Variants in CCDC81 observed in about 807,000 individuals in gnomAD.
CCDC81 encodes the protein coiled-coil domain containing 81.
CCDC81 carries 79 observed loss-of-function variants against 83.7 expected under a neutral mutation model. The observed-to-expected ratio is 0.94, with a 90% confidence interval of 0.79 to 1.14. The LOEUF is 1.14. CCDC81 is among the 50% of genes most tolerant of loss of function. The pLI is 0.00. For missense variants in CCDC81, 791 were observed against 778.1 expected (o/e 1.02, Z -0.20); for synonymous variants, 252 against 278.1 (o/e 0.91, Z 0.93).
chr11:86,412,274 C>A, intron 10 of CCDC81, 113 bp from the exon 11 acceptor site: 1 of 855,606 alleles, frequency 1.2e-6, no homozygotes, highest in Non-Finnish European at 1.8e-6. Context: ...GTGTTGAGGG[C>A]TGGGCAAATA....
At chr11:86,414,631 T>C in intron 11 of CCDC81, 158 bp from the exon 12 acceptor site, 1 of 600,708 alleles carries the variant, frequency 1.7e-6, no homozygotes, top group South Asian at 2.3e-5. Context: ...ATTACTCTTT[T>C]CTTTCTTAAA....
intron 1 of CCDC81, among the ~76,000 whole-genome samples, chr11:86,385,309 C>G (rs902653825): frequency 6.6e-6 from 1 of 151,976 alleles, no homozygotes; most frequent in East Asian, 1.9e-4. Context: ...CGTTTGAACC[C>G]GGGAGGCGGA....
chr11:86,414,385 C>T (rs111253709), intron 11 of CCDC81: 81 of 158,328 alleles, frequency 5.1e-4, no homozygotes, highest in Non-Finnish European at 9.0e-4. Flanking sequence ...TGGCTTACTG[C>T]AACCTCCACC....
intron 13 of CCDC81, 24 bp downstream of exon 13, chr11:86,415,337 C>T (rs929117172): frequency 1.9e-6 from 3 of 1,569,832 alleles, no homozygotes; most frequent in Non-Finnish European, 2.6e-6. Flanking sequence ...TGATCTTTCT[C>T]CCTCCACTTC....
At chr11:86,400,881 T>C in intron 7 of CCDC81, 80 bp downstream of exon 7, 1 of 1,381,660 alleles carries the variant, frequency 7.2e-7, no homozygotes, top group Non-Finnish European at 9.9e-7. Context: ...GGAACTGTAA[T>C]TGTTCATTAA....
chr11:86,379,945 C>T (rs972121100), intron 1 of CCDC81, among the ~76,000 whole-genome samples: 12 of 151,934 alleles, frequency 7.9e-5, no homozygotes, highest in African/African-American at 2.7e-4. Flanking sequence ...AAGACTGCAC[C>T]GTTGCACTCC....
chr11:86,409,357 G>C lies in CCDC81; in HGVS notation c.1210G>C (p.Glu404Gln), dbSNP rs1483170264. The stretch of plus-strand genomic sequence containing the variant: ...AAGAAACCACAAGAATGAGAAACCG[G>C]AATTTTATGTAAGTCTTTTAAAAAT... ...AIRNHKNEKP[E>Q]FYKSFLFDKR... The change falls in exon 10 of 15, where the codon GAA becomes CAA. Residue 404 changes from glutamate (E) to glutamine (Q), a missense_variant. By Grantham distance (29) the Glu-to-Gln change is conservative. Coordinates refer to ENST00000445632, the MANE Select transcript of CCDC81 (RefSeq NM_001156474.2). 6.7e-7 allele frequency: 1 copy of C among 1,502,162 alleles called. No individual in the cohort carries two copies. The allele number at this position is 1,502,162 out of a possible 1,614,324, so 93.1% of individuals were successfully genotyped here.
intron 4 of CCDC81, 68 bp from the exon 5 acceptor site, chr11:86,395,266 C>T: frequency 1.6e-6 from 2 of 1,233,168 alleles, no homozygotes; most frequent in South Asian, 1.3e-5. Flanking sequence ...TATGAGCCTG[C>T]AGTTTTTAAT....
intron 1 of CCDC81, among the ~76,000 whole-genome samples, chr11:86,375,824 TG>T (rs1035475106): frequency 1.4e-4 from 21 of 152,324 alleles, no homozygotes; most frequent in African/African-American, 4.8e-4. Context: ...GGCTGAGATC[TG>T]TCTGCAAACC....
intron 7 of CCDC81, among the ~76,000 whole-genome samples, chr11:86,401,678 T>A (rs567880427): frequency 6.6e-6 from 1 of 152,206 alleles, no homozygotes; most frequent in African/African-American, 2.4e-5. Flanking sequence ...AACCTGCTTT[T>A]ATAAAACTTA....
Position 86,409,372 on chromosome 11 carries a change from CT to C in CCDC81, c.1218+11del. The C allele has an allele frequency of 6.9e-7, 1 of 1,459,348 alleles. No homozygotes were observed. Among genetic ancestry groups the C allele is most frequent in the Non-Finnish European group, 9.3e-7 (1 of 1,080,216 alleles). 90.4% of individuals were successfully genotyped at this position (1,459,348 alleles called of 1,614,324 possible). A position where few individuals can be genotyped will look rare whatever the true frequency, so the allele number is the denominator to read the frequency against. Reference sequence around the variant, plus strand: ...TGAGAAACCGGAATTTTATGTAAGTCTTTTAAAAATTTCTGTTGCTAACACC... The same window carrying C: ...TGAGAAACCGGAATTTTATGTAAGTCTTTAAAAATTTCTGTTGCTAACACC... On this transcript the variant is annotated splice_region_variant and intron_variant, in intron 10 of 14. Coordinates refer to ENST00000445632, the MANE Select transcript of CCDC81 (RefSeq NM_001156474.2).
At chr11:86,413,867 T>C (rs1199175479) in intron 11 of CCDC81, among the ~76,000 whole-genome samples, 1 of 152,170 alleles carries the variant, frequency 6.6e-6, no homozygotes, top group African/African-American at 2.4e-5. Context: ...TCTGCTTACA[T>C]ACATATGCCT....
At chr11:86,399,876 A>G (rs888441349) in intron 6 of CCDC81, among the ~76,000 whole-genome samples, 1 of 151,934 alleles carries the variant, frequency 6.6e-6, no homozygotes, top group African/African-American at 2.4e-5. Context: ...TAATCCCAGC[A>G]CTTTGGGAGG....
chr11:86,402,367 T>A (rs1478828411), intron 7 of CCDC81, among the ~76,000 whole-genome samples: 1 of 152,156 alleles, frequency 6.6e-6, no homozygotes, highest in Non-Finnish European at 1.5e-5. Context: ...ACACAGTTTT[T>A]AAATAAAATT....
chr11:86,398,984 A>G (rs11234632), intron 6 of CCDC81, among the ~76,000 whole-genome samples: 106,587 of 152,106 alleles, frequency 0.7, 37,497 homozygotes, highest in Non-Finnish European at 0.73. Flanking sequence ...GGCCCAAGTG[A>G]TATCAGATCT....
intron 10 of CCDC81, among the ~76,000 whole-genome samples, chr11:86,411,248 T>C (rs983838097): frequency 6.6e-6 from 1 of 152,204 alleles, no homozygotes; most frequent in Non-Finnish European, 1.5e-5. Context: ...TTTCTGCTCA[T>C]TGAACATGCC....
intron 6 of CCDC81, among the ~76,000 whole-genome samples, chr11:86,398,699 A>G (rs1198568379): frequency 6.6e-6 from 1 of 152,062 alleles, no homozygotes; most frequent in Non-Finnish European, 1.5e-5. Flanking sequence ...CCTCCCTGGA[A>G]GTAGCTGGGA....
intron 9 of CCDC81, among the ~76,000 whole-genome samples, chr11:86,409,001 T>C (rs986577187): frequency 6.6e-6 from 1 of 152,174 alleles, no homozygotes; most frequent in African/African-American, 2.4e-5. Context: ...GCCTGCCCTT[T>C]CCTGCATTTG....
intron 14 of CCDC81, among the ~76,000 whole-genome samples, chr11:86,420,281 T>A (rs1948772972): frequency 1.3e-5 from 2 of 152,220 alleles, no homozygotes; most frequent in Admixed American, 6.5e-5. Context: ...TGCTCTAATA[T>A]TTGCCTCTGC....
Sources: allele counts gnomAD v4.1 joint callset (sites outside exome capture counted in the v4.1 genomes callset), GRCh38; gene constraint gnomAD v4.1.1; transcripts MANE v1.5; gene names NCBI Gene and HGNC (gene_info 2026-07-23, HGNC 2026-07-21).